Variants in CYBRD1 observed in about 807,000 individuals in gnomAD.
CYBRD1 encodes the protein cytochrome b reductase 1.
Under a neutral mutation model 21.9 loss-of-function variants are expected in CYBRD1, and 14 were observed. The ratio of observed to expected loss-of-function variants is 0.64; its 90% confidence interval spans 0.42 to 1.00. CYBRD1 has a LOEUF of 1.00. Ranked by LOEUF, CYBRD1 falls within the 50% of genes least tolerant of loss-of-function variation. The pLI is 0.00. For missense variants in CYBRD1, 328 were observed against 352.5 expected, an observed-to-expected ratio of 0.93 and a Z score of 0.56; for synonymous variants, 146 against 136.5, an observed-to-expected ratio of 1.07 and a Z score of -0.48.
chr2:171,525,570 G>A (rs1009545880), intron 1 of CYBRD1, among the ~76,000 whole-genome samples: 10 of 152,052 alleles, frequency 6.6e-5, no homozygotes, highest in Admixed American at 3.3e-4. Context: ...CTTTTTTACC[G>A]TGTGTGATTG....
intron 1 of CYBRD1, among the ~76,000 whole-genome samples, chr2:171,536,112 C>G (rs1185255590): frequency 6.9e-6 from 1 of 145,382 alleles, no homozygotes; most frequent in African/African-American, 2.5e-5. Flanking sequence ...TCCTTTGAGT[C>G]ATGATATCAT....
At chr2:171,529,647 G>GGCAGTGGCAGTGGGCATCCTT (rs2105330964) in intron 1 of CYBRD1, among the ~76,000 whole-genome samples, 1 of 152,208 alleles carries the variant, frequency 6.6e-6, no homozygotes, top group East Asian at 1.9e-4. Flanking sequence ...ACAGTGGCTG[G>GGCAGTGGCAGTGGGCATCCTT]GCAGTGGCAG....
In CYBRD1 at chr2:171,556,550, C is replaced by G. The variant is rs1227198941; in HGVS notation, c.*1723C>G. The G allele has an allele frequency of 1.3e-5, 2 of 152,094 alleles. No homozygotes were observed. Among genetic ancestry groups the G allele is most frequent in the East Asian group, 3.8e-4 (2 of 5,196 alleles). The allele number at this position is 152,094 out of a possible 1,614,324, so 9.4% of individuals were successfully genotyped here. ...ACCAAATACACTAAACATTTTGGTG[C>G]TTAGTGGATTTCTTTTTAGGTAACT... On this transcript the variant is annotated 3_prime_UTR_variant, in exon 4 of 4. Transcript: ENST00000321348.
rs765285755 is a variant in CYBRD1 at position 171,554,854 on chromosome 2, C to T, written c.*27C>T. On this transcript the variant is annotated 3_prime_UTR_variant, in exon 4 of 4. Coordinates refer to ENST00000321348, the MANE Select transcript of CYBRD1 (RefSeq NM_024843.4). ...ATGTTGTAGAGATAGAGCCATATAA[C>T]GTCACGTTTCAAAACTAGCTCTACA... 6.2e-6 allele frequency: 10 copies of T among 1,610,108 alleles called. No homozygotes were observed. Among genetic ancestry groups the T allele is most frequent in the East Asian group, 4.5e-5 (2 of 44,764 alleles).
chr2:171,541,158 GA>G (rs1697625264), intron 1 of CYBRD1: 2 of 201,928 alleles, frequency 9.9e-6, no homozygotes, highest in South Asian at 1.8e-4. Context: ...AGATGTCTGG[GA>G]AGCAAACGCC....
rs144998263 is a variant in CYBRD1, at chr2:171,534,750, A to G, written c.194-6835A>G. ...AAGACTAATTGGCTAGTGGGTTTGC[A>G]GGCTTATGGAAATATTGTTTTAACT... On this transcript the variant is annotated intron_variant, in intron 1 of 3. Coordinates refer to ENST00000321348, the MANE Select transcript of CYBRD1 (RefSeq NM_024843.4). Among the ~76,000 whole-genome samples, 11 of 152,344 alleles carry G rather than the reference A, an allele frequency of 7.2e-5. No homozygotes were observed. In the East Asian group the frequency reaches 2.1e-3, roughly 29 times the overall value.
chr2:171,531,512 A>G (rs1473905770), intron 1 of CYBRD1, among the ~76,000 whole-genome samples: 1 of 152,040 alleles, frequency 6.6e-6, no homozygotes, highest in African/African-American at 2.4e-5. Flanking sequence ...TAGTGGCGAA[A>G]TCATGACTCA....
At position 171,553,329 on chromosome 2, in the gene CYBRD1, C is replaced by T; in HGVS notation, c.403-17C>T. ...ACTTAAAATTAAATGATAACCTTTG[C>T]ACTTTTTGGTGTTTAGCTTCTTTCA... On this transcript the variant is annotated splice_polypyrimidine_tract_variant and intron_variant, in intron 2 of 3. Transcript: ENST00000321348. 1 of 1,612,922 alleles carries T rather than the reference C, an allele frequency of 6.2e-7. No individual in the cohort carries two copies. The highest frequency in any genetic ancestry group is 8.5e-7 in the Non-Finnish European group (1 of 1,179,300).
Position 171,522,519 on chromosome 2 carries a change from C to T in CYBRD1, c.-27C>T, listed in dbSNP as rs1258601399. ...CGCCGCCTCTCCAAGTTCTTGTGGC[C>T]CCCGCGGTGCGGAGTATGGGGCGCT... On this transcript the variant is annotated 5_prime_UTR_variant, in exon 1 of 4. Transcript: ENST00000321348. The surrounding 1 kb of genome is among the most constrained non-coding windows in gnomAD (Gnocchi z 4.3). 3 of 1,573,380 alleles carry T rather than the reference C, an allele frequency of 1.9e-6. No homozygotes were observed. The highest frequency in any genetic ancestry group is 2.6e-6 in the Non-Finnish European group (3 of 1,160,410).
chr2:171,522,672 A>C lies in CYBRD1; in HGVS notation c.127A>C (p.Ser43Arg). The change falls in exon 1 of 4, where the codon AGC (serine) becomes CGC (arginine). Residue 43 changes from serine to arginine, a missense_variant. Coordinates refer to ENST00000321348, the MANE Select transcript of CYBRD1 (RefSeq NM_024843.4). The surrounding 1 kb of genome is among the most constrained non-coding windows in gnomAD (Gnocchi z 4.3). ...CCGAGAGGGGCTTGGCTGGGATGGG[A>C]GCGCACTAGAGTTTAACTGGCACCC... ...HYREGLGWDGSALEFNWHPVL... is the reference protein window; with the variant it reads ...HYREGLGWDGRALEFNWHPVL... 1.2e-6 allele frequency: 2 copies of C among 1,612,348 alleles called. No homozygotes were observed. The highest frequency in any genetic ancestry group is 1.7e-6 in the Non-Finnish European group (2 of 1,179,656).
chr2:171,540,391 G>T (rs919061586), intron 1 of CYBRD1, among the ~76,000 whole-genome samples: 2 of 152,132 alleles, frequency 1.3e-5, no homozygotes, highest in Non-Finnish European at 2.9e-5. Flanking sequence ...TTCTATTGAT[G>T]ATGGGCATTT....
intron 3 of CYBRD1, 22 bp from the exon 4 acceptor site, chr2:171,554,501 TG>T: frequency 5.6e-6 from 9 of 1,612,234 alleles, no homozygotes; most frequent in Non-Finnish European, 7.6e-6. Flanking sequence ...TGTTTGTAAT[TG>T]GATACATCTC....
chr2:171,525,947 TAAAAAAAAAAA>T (rs58388653), intron 1 of CYBRD1, among the ~76,000 whole-genome samples: 1 of 61,954 alleles, frequency 1.6e-5, no homozygotes, highest in African/African-American at 7.3e-5. Flanking sequence ...AACTCCCGTC[TAAAAAAAAAAA>T]AAAAAAAAAA....
chr2:171,538,158 G>A (rs985292049), intron 1 of CYBRD1, among the ~76,000 whole-genome samples: 3 of 152,162 alleles, frequency 2.0e-5, no homozygotes, highest in African/African-American at 7.2e-5. Context: ...AGCTACTCAG[G>A]AGGCTGAGGC....
chr2:171,528,591 T>G (rs543959984), intron 1 of CYBRD1, among the ~76,000 whole-genome samples: 2 of 152,316 alleles, frequency 1.3e-5, no homozygotes, highest in African/African-American at 4.8e-5. Context: ...CACTCACTTC[T>G]TTGGTGGTCA....
intron 1 of CYBRD1, chr2:171,523,136 A>T (rs560232839): frequency 1.5e-5 from 5 of 324,658 alleles, no homozygotes; most frequent in South Asian, 1.3e-4. Flanking sequence ...GCTGCAGCCC[A>T]CGCGCCCCGG....
In CYBRD1 at chr2:171,556,158, T is replaced by C. The variant is rs1219721327; in HGVS notation, c.*1331T>C. 6.6e-6 allele frequency: 1 copy of C among 152,208 alleles called. No homozygotes were observed. Among genetic ancestry groups the C allele is most frequent in the African/African-American group, 2.4e-5 (1 of 41,440 alleles). The allele number at this position is 152,208 out of a possible 1,614,324, so 9.4% of individuals were successfully genotyped here. ...GTAACAAAAGATTTGGACAGGCATA[T>C]CTGTAGCTTTCAAGTTAATTAATTG... On this transcript the variant is annotated 3_prime_UTR_variant, in exon 4 of 4. Transcript: ENST00000321348.
intron 2 of CYBRD1, among the ~76,000 whole-genome samples, chr2:171,549,874 G>A (rs1247677193): frequency 6.6e-6 from 1 of 152,182 alleles, no homozygotes; most frequent in Non-Finnish European, 1.5e-5. Context: ...TAGTGTGTTT[G>A]TAGACTATAT....
Position 171,522,540 on chromosome 2 carries a change from G to C in CYBRD1, c.-6G>C, listed in dbSNP as rs1697322018. On this transcript the variant is annotated 5_prime_UTR_variant, in exon 1 of 4. Transcript: ENST00000321348. This position sits in a 1 kb window ranked among gnomAD's most constrained non-coding sequence, Gnocchi z 4.3. ...TGGCCCCCGCGGTGCGGAGTATGGGGCGCTGATGGCCATGGAGGGCTACTG... is the reference window on the plus strand; with the variant it reads ...TGGCCCCCGCGGTGCGGAGTATGGGCCGCTGATGGCCATGGAGGGCTACTG... 2 of 1,592,974 alleles carry C rather than the reference G, an allele frequency of 1.3e-6. No homozygotes were observed. Among genetic ancestry groups the C allele is most frequent in the Admixed American group, 3.7e-5 (2 of 54,780 alleles).
Sources: gnomAD v4.1 joint callset for allele counts (sites outside exome capture counted in the v4.1 genomes callset) on GRCh38, gnomAD v4.1.1 for gene constraint, Gnocchi (gnomAD v3.1) non-coding constraint, MANE v1.5 for transcripts, NCBI Gene and HGNC (gene_info 2026-07-23, HGNC 2026-07-21) for gene names.